The following SERAC1 variants were observed in gnomAD, a reference collection of about 807,000 sequenced individuals.
SERAC1 encodes the protein protein SERAC1.
Under a neutral mutation model 85.7 loss-of-function variants are expected in SERAC1, and 36 were observed. The ratio of observed to expected loss-of-function variants is 0.42; its 90% CI spans 0.32 to 0.55. SERAC1 has a LOEUF of 0.55. SERAC1 is among the 20% of genes least tolerant of loss of function. The pLI, the probability that SERAC1 is intolerant of heterozygous loss-of-function variation, is 0.11. For missense variants in SERAC1, 629 were observed against 796.2 expected, an observed-to-expected ratio of 0.79 and a Z score of 2.53; for synonymous variants, 242 against 265.3, an observed-to-expected ratio of 0.91 and a Z score of 0.85.
rs759233428 is a variant in SERAC1 at position 158,144,411 on chromosome 6, T to C, written c.497A>G (p.Tyr166Cys). Residue 166 changes from tyrosine to cysteine, a missense_variant, in exon 7 of 17, where the codon TAT becomes TGT. Transcript: ENST00000647468. ...SETHHWHDYQ[Y>C]RIIAQACDPK... The stretch of plus-strand genomic sequence containing the variant: ...ATCACAGGCTTGAGCAATTATCCTA[T>C]ACTGGTAATCTATTGAAAAAGCATT... 8 of 1,588,084 alleles carry C rather than the reference T, an allele frequency of 5.0e-6. No homozygotes were observed. Among genetic ancestry groups the C allele is most frequent in the Non-Finnish European group, 6.9e-6 (8 of 1,164,820 alleles).
At chr6:158,162,659 C>A (rs563782307) in intron 1 of SERAC1, among the ~76,000 whole-genome samples, 7 of 152,268 alleles carry the variant, frequency 4.6e-5, no homozygotes, top group South Asian at 2.1e-4. Flanking sequence ...GTCTGACATG[C>A]ACTATAATTT....
At position 158,128,288 on chromosome 6, in the gene SERAC1, CAG is replaced by C; in HGVS notation, c.853-20_853-19del. On this transcript the variant is annotated intron_variant, in intron 9 of 16. Coordinates refer to ENST00000647468, the MANE Select transcript of SERAC1 (RefSeq NM_032861.4). The stretch of plus-strand genomic sequence containing the variant: ...GTGGATATCTGGCACAATAAATAAA[CAG>C]AAGCTCCCTTGACATTGTACAAATT... 1 of 1,612,382 alleles carries C rather than the reference CAG, an allele frequency of 6.2e-7. No homozygotes were observed. The highest frequency in any genetic ancestry group is 2.2e-5 in the East Asian group (1 of 44,860).
chr6:158,120,559 C>A lies in SERAC1; in HGVS notation c.1032G>T (p.Met344Ile). The change falls in exon 11 of 17, where the codon ATG (methionine) becomes ATT (isoleucine). Residue 344 changes from methionine to isoleucine, a missense_variant. By Grantham distance (10) the Met-to-Ile change is conservative. Coordinates refer to ENST00000647468, the MANE Select transcript of SERAC1 (RefSeq NM_032861.4). This position sits in a 1 kb window ranked among gnomAD's most constrained non-coding sequence, Gnocchi z 4.4. ...SIVRSGWVSI[M>I]AEAMKSPHIM... ...TGTGGGGAGATTTCATTGCTTCTGC[C>A]ATGATGGAAACCCAGCCTGGTGAAA... The A allele has an allele frequency of 1.2e-6, 2 of 1,613,834 alleles. No individual in the cohort carries two copies. Among genetic ancestry groups the A allele is most frequent in the Non-Finnish European group, 1.7e-6 (2 of 1,179,892 alleles).
chr6:158,132,331 G>A (rs182849460), intron 8 of SERAC1, among the ~76,000 whole-genome samples: 19 of 152,084 alleles, frequency 1.2e-4, no homozygotes, highest in South Asian at 4.1e-4. Flanking sequence ...CCTTCTTCTC[G>A]TATATAATAT....
chr6:158,127,401 C>T (rs1435030109), intron 10 of SERAC1, among the ~76,000 whole-genome samples: 68 of 46,798 alleles, frequency 1.5e-3, no homozygotes, highest in East Asian at 2.7e-3. Flanking sequence ...CCCGGCCAGC[C>T]GCCCCGTCCG....
At chr6:158,166,756 G>C (rs992993399) in intron 1 of SERAC1, among the ~76,000 whole-genome samples, 2 of 152,136 alleles carry the variant, frequency 1.3e-5, no homozygotes, top group African/African-American at 4.8e-5. Flanking sequence ...ATTATGAATA[G>C]TGTCTTTTTA....
chr6:158,114,690 A>ATAAAATGAGATAATACATTCAAGGAATC, intron 15 of SERAC1, 99 bp downstream of exon 15: 1 of 1,575,574 alleles, frequency 6.3e-7, no homozygotes, highest in Non-Finnish European at 8.6e-7. Context: ...TATACAAATT[A>ATAAAATGAGATAATACATTCAAGGAATC]TAAAATGAGA....
chr6:158,161,592 T>C (rs1785489282), intron 1 of SERAC1: 1 of 152,100 alleles, frequency 6.6e-6, no homozygotes, highest in African/African-American at 2.4e-5. Flanking sequence ...CTGCCTGGTT[T>C]CAAATCCAAT....
intron 3 of SERAC1, chr6:158,150,974 A>G (rs907182059): frequency 1.2e-5 from 2 of 165,102 alleles, no homozygotes; most frequent in Non-Finnish European, 2.7e-5. Flanking sequence ...AATAAATGTT[A>G]CTGATTTATG....
intron 1 of SERAC1, chr6:158,159,094 C>G (rs1252439495): frequency 6.6e-6 from 1 of 151,820 alleles, no homozygotes; most frequent in Non-Finnish European, 1.5e-5. Context: ...TTGAAGGTAC[C>G]TCTCTCTTTT....
intron 2 of SERAC1, among the ~76,000 whole-genome samples, chr6:158,157,141 C>T (rs1336867350): frequency 4.6e-5 from 7 of 151,378 alleles, no homozygotes; most frequent in Non-Finnish European, 8.8e-5. Flanking sequence ...GGATTACAGG[C>T]GCCCACCACC....
At chr6:158,115,762 C>A (rs145969522) in intron 14 of SERAC1, among the ~76,000 whole-genome samples, 1 of 152,076 alleles carries the variant, frequency 6.6e-6, no homozygotes, top group African/African-American at 2.4e-5. Context: ...TGAGCAGGCA[C>A]CCAGAGTCTG....
At chr6:158,146,447 T>C in intron 6 of SERAC1, 1 of 140,834 alleles carries the variant, frequency 7.1e-6, no homozygotes. Flanking sequence ...CTCGCTCTGT[T>C]GCCCAGGCTG....
chr6:158,148,732 C>CAT, intron 5 of SERAC1, 133 bp downstream of exon 5: 1 of 620,874 alleles, frequency 1.6e-6, no homozygotes, highest in Admixed American at 3.7e-5. Flanking sequence ...CGTGAGCCAC[C>CAT]ATACCTGGCC....
In SERAC1 at chr6:158,117,112, C is replaced by T. The variant is rs1199649588; in HGVS notation, c.1403+615G>A. ...AGGGAGACCTGGGGTCTTGCCTGCT[C>T]ACCTTGACACCCTTCTTGGGCACCT... On this transcript the variant is annotated intron_variant, in intron 13 of 16. Coordinates refer to ENST00000647468, the MANE Select transcript of SERAC1 (RefSeq NM_032861.4). The surrounding 1 kb of genome is among the most constrained non-coding windows in gnomAD (Gnocchi z 4.3). 1 of 163,090 alleles carries T rather than the reference C, an allele frequency of 6.1e-6. No individual in the cohort carries two copies. The highest frequency in any genetic ancestry group is 1.8e-4 in the East Asian group (1 of 5,702). 10.1% of individuals were successfully genotyped at this position (163,090 alleles called of 1,614,324 possible).
chr6:158,160,215 C>CT (rs1298913428), intron 1 of SERAC1, among the ~76,000 whole-genome samples: 47 of 146,070 alleles, frequency 3.2e-4, no homozygotes, highest in South Asian at 1.1e-3. Flanking sequence ...TTTTGTTGTC[C>CT]TTTTTTTTTT....
At chr6:158,129,654 A>C (rs1784623165) in intron 9 of SERAC1, among the ~76,000 whole-genome samples, 1 of 151,274 alleles carries the variant, frequency 6.6e-6, no homozygotes, top group African/African-American at 2.4e-5. Flanking sequence ...CTACAGTTAC[A>C]CTTCAAGAGT....
intron 3 of SERAC1, among the ~76,000 whole-genome samples, chr6:158,153,662 T>C (rs962246887): frequency 4.6e-5 from 7 of 152,210 alleles, no homozygotes; most frequent in Admixed American, 2.0e-4. Flanking sequence ...TGAAGATTTC[T>C]TTTTTCCTAA....
intron 10 of SERAC1, among the ~76,000 whole-genome samples, chr6:158,127,378 G>A (rs1200889073): frequency 3.0e-5 from 2 of 66,246 alleles, no homozygotes; most frequent in South Asian, 5.8e-4. Flanking sequence ...AGGTGGGGGG[G>A]TCAGCCCCCC....
Sources: gnomAD v4.1 joint callset for allele counts (sites outside exome capture counted in the v4.1 genomes callset) on GRCh38, gnomAD v4.1.1 for gene constraint, Gnocchi (gnomAD v3.1) non-coding constraint, MANE v1.5 for transcripts, NCBI Gene and HGNC (gene_info 2026-07-23, HGNC 2026-07-21) for gene names.